PPP1R21: variants seen among roughly 807,000 people sequenced by gnomAD.
PPP1R21 encodes protein phosphatase 1 regulatory subunit 21.
In PPP1R21, 85 loss-of-function variants were observed where a neutral mutation model predicts 112.8. The ratio of observed to expected loss-of-function variants is 0.75; its 90% CI spans 0.63 to 0.90. The LOEUF (loss-of-function observed/expected upper bound fraction) is 0.90, where lower values mean the gene tolerates loss of function less well. Ranked by LOEUF, PPP1R21 falls within the 40% of genes least tolerant of loss-of-function variation. The pLI is 0.00. For missense variants in PPP1R21, 1,199 were observed against 901.5 expected (o/e 1.33, Z -4.23); for synonymous variants, 381 against 322.3 (o/e 1.18, Z -1.95).
At chr2:48,471,209 A>G (rs1486745852) in intron 10 of PPP1R21, 21 bp downstream of exon 10, 2 of 1,605,316 alleles carry the variant, frequency 1.2e-6, no homozygotes, top group East Asian at 2.2e-5. Flanking sequence ...TCCTTGTTTT[A>G]CTTCTGGAAA....
intron 19 of PPP1R21, among the ~76,000 whole-genome samples, chr2:48,508,738 A>C (rs1670501733): frequency 6.6e-6 from 1 of 152,164 alleles, no homozygotes; most frequent in East Asian, 1.9e-4. Context: ...CACAGAATAG[A>C]TGTTTGGTTA....
chr2:48,480,059 C>CT (rs750250874), intron 13 of PPP1R21, 43 bp downstream of exon 13: 2 of 1,284,836 alleles, frequency 1.6e-6, no homozygotes, highest in Non-Finnish European at 2.3e-6. Flanking sequence ...CTTTGCCCCA[C>CT]TTTCTTCGAT....
intron 12 of PPP1R21, chr2:48,479,522 C>T (rs1395745038): frequency 8.4e-6 from 4 of 476,244 alleles, no homozygotes; most frequent in South Asian, 3.1e-5. Flanking sequence ...GCTCCTCACG[C>T]TGACATGGCA....
intron 2 of PPP1R21, among the ~76,000 whole-genome samples, chr2:48,451,522 A>G (rs1667467048): frequency 6.6e-6 from 1 of 152,210 alleles, no homozygotes; most frequent in Non-Finnish European, 1.5e-5. Context: ...TAGTTGAGTT[A>G]TTTAATAGTA....
intron 17 of PPP1R21, among the ~76,000 whole-genome samples, chr2:48,501,393 A>C (rs1670105127): frequency 6.6e-6 from 1 of 152,162 alleles, no homozygotes; most frequent in African/African-American, 2.4e-5. Context: ...TGACAATGAC[A>C]TTGTAATTGT....
At chr2:48,456,408 T>C (rs1667727952) in intron 3 of PPP1R21, among the ~76,000 whole-genome samples, 1 of 152,206 alleles carries the variant, frequency 6.6e-6, no homozygotes, top group Non-Finnish European at 1.5e-5. Context: ...GAGTGCAGTA[T>C]GGCCAGAAGA....
chr2:48,486,729 G>A lies in PPP1R21; in HGVS notation c.1417G>A (p.Val473Ile). ...ITTNDCILSSVVALTNGAGKI... is the reference protein window; with the variant it reads ...ITTNDCILSSIVALTNGAGKI... ...AACTAATGACTGTATCCTGTCATCA[G>A]TAGTGGCATTAACAAATGGAGCAGG... The change falls in exon 14 of 22, where the codon GTA becomes ATA. Residue 473 changes from valine (V) to isoleucine (I), a missense_variant. Physicochemically the swap from Val to Ile is conservative, Grantham distance 29. Coordinates refer to ENST00000294952, the MANE Select transcript of PPP1R21 (RefSeq NM_001135629.3). 1 of 1,613,786 alleles carries A rather than the reference G, an allele frequency of 6.2e-7. No homozygotes were observed. Among genetic ancestry groups the A allele is most frequent in the Non-Finnish European group, 8.5e-7 (1 of 1,179,858 alleles).
At chr2:48,447,794 C>T (rs1349605927) in intron 1 of PPP1R21, among the ~76,000 whole-genome samples, 1 of 151,828 alleles carries the variant, frequency 6.6e-6, no homozygotes, top group Non-Finnish European at 1.5e-5. Context: ...ACTAAAAATA[C>T]AAAAAATTAG....
At chr2:48,441,902 A>G (rs1423057904) in intron 1 of PPP1R21, among the ~76,000 whole-genome samples, 12 of 152,132 alleles carry the variant, frequency 7.9e-5, no homozygotes, top group Admixed American at 5.2e-4. Context: ...CCTTTTTGCA[A>G]TTTGGAGAAA....
rs753960766 is a variant in PPP1R21 at position 48,514,987 on chromosome 2, G to T, written c.*243G>T. 8.1e-6 allele frequency: 4 copies of T among 491,914 alleles called. No homozygotes were observed. Among genetic ancestry groups the T allele is most frequent in the Non-Finnish European group, 1.1e-5 (3 of 280,600 alleles). 30.5% of individuals were successfully genotyped at this position (491,914 alleles called of 1,614,324 possible). On this transcript the variant is annotated 3_prime_UTR_variant, in exon 22 of 22. Coordinates refer to ENST00000294952, the MANE Select transcript of PPP1R21 (RefSeq NM_001135629.3). The stretch of plus-strand genomic sequence containing the variant: ...CAATACGTATGTCATGGATATTGTA[G>T]GTTTCCTTATGCTGTTTTTACTGTG...
At chr2:48,459,181 A>T (rs562319779) in intron 4 of PPP1R21, among the ~76,000 whole-genome samples, 140 of 150,234 alleles carry the variant, frequency 9.3e-4, no homozygotes, top group African/African-American at 3.1e-3. Flanking sequence ...GGTAGGAAAC[A>T]CACACACACA....
At chr2:48,490,416 C>G (rs1172914196) in intron 14 of PPP1R21, among the ~76,000 whole-genome samples, 1 of 152,042 alleles carries the variant, frequency 6.6e-6, no homozygotes, top group Admixed American at 6.6e-5. Context: ...ACAAATATTA[C>G]CAAATGCCAC....
rs544894516 is a variant in PPP1R21 at position 48,464,954 on chromosome 2, G to A, written c.712G>A (p.Ala238Thr). The stretch of plus-strand genomic sequence containing the variant: ...TTCTGTAGAATATAGTCAGTACAAC[G>A]CTCTGAACGTTCCACTCCACAATAG... ...FNDTKYSQYN[A>T]LNVPLHNRRH... The change falls in exon 8 of 22, where the codon GCT (alanine) becomes ACT (threonine). Residue 238 changes from alanine to threonine, a missense_variant. Transcript: ENST00000294952. The A allele has an allele frequency of 2.0e-5, 32 of 1,562,314 alleles. No individual in the cohort carries two copies. Among genetic ancestry groups the A allele is most frequent in the Middle Eastern group, 3.4e-4 (2 of 5,914 alleles).
chr2:48,511,693 C>G (rs1670650121), intron 21 of PPP1R21, among the ~76,000 whole-genome samples: 1 of 145,772 alleles, frequency 6.9e-6, no homozygotes, highest in South Asian at 2.2e-4. Flanking sequence ...GATACTTCAT[C>G]TCTACAAAAA....
At chr2:48,474,224 A>C (rs2103862458) in intron 11 of PPP1R21, among the ~76,000 whole-genome samples, 1 of 152,236 alleles carries the variant, frequency 6.6e-6, no homozygotes, top group Non-Finnish European at 1.5e-5. Context: ...CTCTACTGAA[A>C]GTACAAAAAT....
chr2:48,465,134 T>C, intron 8 of PPP1R21, 145 bp downstream of exon 8: 1 of 696,656 alleles, frequency 1.4e-6, no homozygotes, highest in South Asian at 1.9e-5. Context: ...ATACATTTAT[T>C]CAAATGTAGC....
At chr2:48,455,964 G>T (rs1268614562) in intron 3 of PPP1R21, among the ~76,000 whole-genome samples, 1 of 145,130 alleles carries the variant, frequency 6.9e-6, no homozygotes, top group Non-Finnish European at 1.5e-5. Flanking sequence ...GCAGCGAGCC[G>T]AGATCAGGCC....
At chr2:48,506,254 C>T (rs1670368493) in intron 18 of PPP1R21, among the ~76,000 whole-genome samples, 4 of 152,142 alleles carry the variant, frequency 2.6e-5, no homozygotes. Context: ...TCACCATGTC[C>T]AGCTAATTTT....
chr2:48,496,300 CT>C (rs1366594325), intron 16 of PPP1R21, among the ~76,000 whole-genome samples: 1 of 152,172 alleles, frequency 6.6e-6, no homozygotes, highest in Non-Finnish European at 1.5e-5. Context: ...ATCTCTCTCT[CT>C]GATCTTCTCT....
Sources: allele counts gnomAD v4.1 joint callset (sites outside exome capture counted in the v4.1 genomes callset), GRCh38; gene constraint gnomAD v4.1.1; transcripts MANE v1.5; gene names NCBI Gene and HGNC (gene_info 2026-07-23, HGNC 2026-07-21).